The following SDK1 variants were observed in gnomAD, a reference collection of about 807,000 sequenced individuals.
The protein encoded by SDK1 is protein sidekick-1.
Under a neutral mutation model 245.5 loss-of-function variants are expected in SDK1, and 157 were observed. The observed-to-expected ratio is 0.64, with a 90% CI of 0.56 to 0.73. The LOEUF (loss-of-function observed/expected upper bound fraction) is 0.73, where lower values mean the gene tolerates loss of function less well. SDK1 is among the 30% of genes least tolerant of loss of function. The pLI is 0.00. For synonymous variants in SDK1, 1,647 were observed against 1,278.5 expected, an observed-to-expected ratio of 1.29 and a Z score of -6.15; for missense variants, 3,583 against 3,002.3, an observed-to-expected ratio of 1.19 and a Z score of -4.52.
At chr7:4,014,452 C>A (rs970621383) in intron 16 of SDK1, among the ~76,000 whole-genome samples, 2 of 152,144 alleles carry the variant, frequency 1.3e-5, no homozygotes, top group African/African-American at 4.8e-5. Context: ...AATGAAAGAG[C>A]CATGCCAAAG....
At chr7:4,139,744 T>C (rs1779442071) in intron 28 of SDK1, among the ~76,000 whole-genome samples, 1 of 151,284 alleles carries the variant, frequency 6.6e-6, no homozygotes. Flanking sequence ...TGTATGTGTG[T>C]GTGTGTGTGT....
At chr7:3,519,783 A>G (rs1361864888) in intron 1 of SDK1, among the ~76,000 whole-genome samples, 1 of 152,158 alleles carries the variant, frequency 6.6e-6, no homozygotes, top group African/African-American at 2.4e-5. Flanking sequence ...ATAGAATTCT[A>G]TGAGGAGATA....
chr7:4,097,018 C>T (rs573628219), intron 22 of SDK1, among the ~76,000 whole-genome samples: 1 of 152,232 alleles, frequency 6.6e-6, no homozygotes, highest in African/African-American at 2.4e-5. Flanking sequence ...TTGAAAATGG[C>T]AAATGCAGCA....
rs533906066 is a variant in SDK1, at chr7:3,740,345, A to G, written c.714-81105A>G. On this transcript the variant is annotated intron_variant, in intron 4 of 44. Coordinates refer to ENST00000404826, the MANE Select transcript of SDK1 (RefSeq NM_152744.4). Reference sequence around the variant, plus strand: ...AAGTCAGAGCAGTTCAGAATCCCCTATGGCCATGTCATTCTCCAGTTTTTC... The same window carrying G: ...AAGTCAGAGCAGTTCAGAATCCCCTGTGGCCATGTCATTCTCCAGTTTTTC... Among the ~76,000 whole-genome samples the G allele has an allele frequency of 2.6e-5, 4 of 152,262 alleles. 1 individual carries two copies. Among genetic ancestry groups the G allele is most frequent in the African/African-American group, 4.8e-5 (2 of 41,536 alleles).
chr7:3,750,162 G>A (rs953851618), intron 4 of SDK1, among the ~76,000 whole-genome samples: 5 of 152,118 alleles, frequency 3.3e-5, no homozygotes, highest in South Asian at 2.1e-4. Flanking sequence ...TCACTTCTTC[G>A]TATTTGTTTA....
intron 5 of SDK1, among the ~76,000 whole-genome samples, chr7:3,937,536 T>G (rs1232758337): frequency 1.3e-5 from 2 of 152,218 alleles, no homozygotes; most frequent in Non-Finnish European, 2.9e-5. Flanking sequence ...GCAGGTCCGT[T>G]TGGATCCCTC....
At chr7:3,946,860 G>A (rs1276681478) in intron 5 of SDK1, among the ~76,000 whole-genome samples, 1 of 152,186 alleles carries the variant, frequency 6.6e-6, no homozygotes, top group African/African-American at 2.4e-5. Context: ...GTGGGTAAAA[G>A]AGAACAGTAC....
In SDK1 at chr7:4,027,553, A is replaced by AT. The variant is rs1467879274; in HGVS notation, c.2602+10205dup. Among the ~76,000 whole-genome samples, 18 of 152,294 alleles carry AT rather than the reference A, an allele frequency of 1.2e-4. No homozygotes were observed. In the East Asian group the frequency reaches 3.5e-3, roughly 29 times the overall value. On this transcript the variant is annotated intron_variant, in intron 17 of 44. Transcript: ENST00000404826. ...AGCACCTCCTAATATCAGTTTATTA[A>AT]TTTTATTTGACATGTTGCAAATCTC...
chr7:3,498,417 C>G (rs1451795322), intron 1 of SDK1, among the ~76,000 whole-genome samples: 2 of 152,108 alleles, frequency 1.3e-5, no homozygotes, highest in Non-Finnish European at 2.9e-5. Flanking sequence ...TCTTGGTTTT[C>G]TCATCTATAA....
intron 22 of SDK1, among the ~76,000 whole-genome samples, chr7:4,101,765 G>T (rs1212328530): frequency 6.6e-6 from 1 of 152,172 alleles, no homozygotes; most frequent in Non-Finnish European, 1.5e-5. Flanking sequence ...CGGTAGGAAG[G>T]AGGTCCCGCA....
intron 4 of SDK1, among the ~76,000 whole-genome samples, chr7:3,798,136 C>G (rs1583424268): frequency 1.3e-5 from 2 of 151,420 alleles, no homozygotes; most frequent in Non-Finnish European, 2.9e-5. Flanking sequence ...TTTCTGCACT[C>G]CCATGTTGCA....
intron 4 of SDK1, among the ~76,000 whole-genome samples, chr7:3,688,923 C>G (rs1020399504): frequency 3.3e-5 from 5 of 152,160 alleles, no homozygotes; most frequent in African/African-American, 1.2e-4. Flanking sequence ...CTCCCCGACC[C>G]TATGATGAAT....
At chr7:3,754,182 G>A (rs28650199) in intron 4 of SDK1, among the ~76,000 whole-genome samples, 12,978 of 152,194 alleles carry the variant, frequency 0.085, 1,747 homozygotes, top group African/African-American at 0.29. Flanking sequence ...ATTTCTGAGA[G>A]ATTCATATTA....
chr7:3,398,976 C>G (rs192334723), intron 1 of SDK1, among the ~76,000 whole-genome samples: 3 of 152,106 alleles, frequency 2.0e-5, no homozygotes, highest in East Asian at 1.9e-4. Flanking sequence ...AAGTTTTCCA[C>G]TATTTTTCAT....
intron 1 of SDK1, among the ~76,000 whole-genome samples, chr7:3,444,760 C>T (rs907172531): frequency 1.3e-4 from 20 of 152,150 alleles, no homozygotes; most frequent in African/African-American, 4.8e-4. Context: ...TGGCTAATGT[C>T]CAGTTTTATC....
At chr7:3,444,846 T>C (rs565043591) in intron 1 of SDK1, among the ~76,000 whole-genome samples, 30 of 152,312 alleles carry the variant, frequency 2.0e-4, no homozygotes, top group African/African-American at 7.2e-4. Context: ...GAGCCCTACC[T>C]GCATGGTTTG....
intron 13 of SDK1, among the ~76,000 whole-genome samples, chr7:3,986,678 G>A (rs1476669876): frequency 6.6e-6 from 1 of 151,950 alleles, no homozygotes; most frequent in Admixed American, 6.6e-5. Context: ...GGCCAAGATG[G>A]TGTGAAACCC....
rs569574492 is a variant in SDK1 at position 3,713,635 on chromosome 7, G to T, written c.713+71530G>T. Among the ~76,000 whole-genome samples, 57 of 152,324 alleles carry T rather than the reference G, an allele frequency of 3.7e-4. No homozygotes were observed. The South Asian group carries it at 0.012, about 32-fold the overall frequency. ...GAATACGTCAGTTCTGTTAGAATAA[G>T]ATCCCATCCGTCATCAGATACCTTT... On this transcript the variant is annotated intron_variant, in intron 4 of 44. Coordinates refer to ENST00000404826, the MANE Select transcript of SDK1 (RefSeq NM_152744.4).
Position 4,079,504 on chromosome 7 carries a change from A to G in SDK1, c.3244A>G (p.Ser1082Gly). The stretch of plus-strand genomic sequence containing the variant: ...ATCCAACCTGGTCATTTCCAACATC[A>G]GCCCTCGCTCCGCCACCCTTCAGTT... Reference protein sequence around the residue: ...APSNLVISNISPRSATLQFRP... With the variant: ...APSNLVISNIGPRSATLQFRP... Residue 1082 changes from serine to glycine, a missense_variant, in exon 22 of 45, where the codon AGC becomes GGC. Coordinates refer to ENST00000404826, the MANE Select transcript of SDK1 (RefSeq NM_152744.4). The G allele has an allele frequency of 6.2e-7, 1 of 1,614,152 alleles. No individual in the cohort carries two copies. Among genetic ancestry groups the G allele is most frequent in the South Asian group, 1.1e-5 (1 of 91,082 alleles).
Sources: allele counts gnomAD v4.1 joint callset (sites outside exome capture counted in the v4.1 genomes callset), GRCh38; gene constraint gnomAD v4.1.1; transcripts MANE v1.5; gene names NCBI Gene and HGNC (gene_info 2026-07-23, HGNC 2026-07-21).